SPAG16: variants seen among roughly 807,000 people sequenced by gnomAD.
SPAG16 encodes sperm associated antigen 16.
SPAG16 carries 86 observed loss-of-function variants against 80.4 expected under a neutral mutation model. That is an observed-to-expected ratio of 1.07 (90% CI 0.90 to 1.28). The LOEUF is 1.28. SPAG16 is among the 50% of genes most tolerant of loss of function. The probability of loss-of-function intolerance (pLI) is 0.00; values close to 1 mark genes in which losing one functional copy is unlikely to be tolerated. For synonymous variants in SPAG16, 294 were observed against 265.9 expected, an observed-to-expected ratio of 1.11 and a Z score of -1.03; for missense variants, 870 against 765.3, an observed-to-expected ratio of 1.14 and a Z score of -1.61.
chr2:214,074,586 A>G (rs932985733), intron 13 of SPAG16, among the ~76,000 whole-genome samples: 1 of 152,178 alleles, frequency 6.6e-6, no homozygotes, highest in Non-Finnish European at 1.5e-5. Flanking sequence ...AAATCAAGAA[A>G]TTCCATTCAT....
chr2:213,710,460 A>G (rs142663306), intron 10 of SPAG16, among the ~76,000 whole-genome samples: 1 of 152,344 alleles, frequency 6.6e-6, no homozygotes, highest in African/African-American at 2.4e-5. Flanking sequence ...TGTATTAAAT[A>G]GTAATGAAAC....
At chr2:214,214,135 A>G (rs878953931) in intron 15 of SPAG16, among the ~76,000 whole-genome samples, 2 of 151,134 alleles carry the variant, frequency 1.3e-5, no homozygotes, top group Non-Finnish European at 2.9e-5. Context: ...CATGTCATTC[A>G]TACATACTGT....
intron 10 of SPAG16, among the ~76,000 whole-genome samples, chr2:213,835,833 A>C (rs550539059): frequency 9.3e-4 from 142 of 152,286 alleles, no homozygotes; most frequent in Admixed American, 3.6e-3. Context: ...ACTTTATTTT[A>C]ATATCAAAAG....
chr2:214,216,419 T>C (rs900046556), intron 15 of SPAG16, among the ~76,000 whole-genome samples: 1 of 152,184 alleles, frequency 6.6e-6, no homozygotes, highest in Non-Finnish European at 1.5e-5. Flanking sequence ...CCTGCCAGGA[T>C]CCAGCGATTC....
chr2:213,663,938 A>G (rs1487648065), intron 10 of SPAG16, among the ~76,000 whole-genome samples: 1 of 152,134 alleles, frequency 6.6e-6, no homozygotes, highest in Admixed American at 6.5e-5. Context: ...AAATTAGTAT[A>G]AACTTAGTTT....
intron 9 of SPAG16, among the ~76,000 whole-genome samples, chr2:213,415,184 G>C (rs2069182643): frequency 6.6e-6 from 1 of 152,236 alleles, no homozygotes; most frequent in Non-Finnish European, 1.5e-5. Flanking sequence ...AGCTAGGTAA[G>C]AGAACAAGGA....
At chr2:214,001,074 A>G (rs569410314) in intron 12 of SPAG16, among the ~76,000 whole-genome samples, 1 of 152,352 alleles carries the variant, frequency 6.6e-6, no homozygotes, top group South Asian at 2.1e-4. Flanking sequence ...TGAATGTATC[A>G]TTGTGGCTAC....
At chr2:213,394,157 T>A (rs2067916230) in intron 9 of SPAG16, among the ~76,000 whole-genome samples, 1 of 152,116 alleles carries the variant, frequency 6.6e-6, no homozygotes, top group East Asian at 1.9e-4. Context: ...TATCTCAAGA[T>A]CAGAGTACTA....
chr2:214,149,207 C>A lies in SPAG16; in HGVS notation c.1661C>A (p.Pro554Gln), dbSNP rs777894699. The change falls in exon 15 of 16, where the codon CCA (proline) becomes CAA (glutamine). Residue 554 changes from proline (P) to glutamine (Q), a missense_variant. Transcript: ENST00000331683. ...TKLWDFRKLL[P>Q]IVSIDIGPSP... ...CTGTGGGACTTTCGGAAGCTGTTACCAATTGTGTCCATCGATATAGGTCCA... is the reference window on the plus strand; with the variant it reads ...CTGTGGGACTTTCGGAAGCTGTTACAAATTGTGTCCATCGATATAGGTCCA... 6.3e-7 allele frequency: 1 copy of A among 1,598,564 alleles called. No homozygotes were observed. Among genetic ancestry groups the A allele is most frequent in the Non-Finnish European group, 8.5e-7 (1 of 1,172,152 alleles).
At chr2:213,491,915 G>GA (rs777729344) in intron 10 of SPAG16, among the ~76,000 whole-genome samples, 3 of 152,124 alleles carry the variant, frequency 2.0e-5, no homozygotes, top group Non-Finnish European at 4.4e-5. Context: ...TTTATTAGTA[G>GA]AAAAATAAAT....
intron 13 of SPAG16, among the ~76,000 whole-genome samples, chr2:214,090,111 T>C (rs1011101165): frequency 1.5e-4 from 23 of 151,838 alleles, no homozygotes; most frequent in Non-Finnish European, 2.8e-4. Context: ...CTCATCTATA[T>C]ACAAATCAAT....
chr2:214,354,374 C>A (rs1055041486), intron 15 of SPAG16, among the ~76,000 whole-genome samples: 1 of 152,026 alleles, frequency 6.6e-6, no homozygotes, highest in African/African-American at 2.4e-5. Context: ...GTTTTGGTAC[C>A]AGTACCATGC....
At chr2:214,270,344 A>C (rs958776371) in intron 15 of SPAG16, among the ~76,000 whole-genome samples, 2 of 152,154 alleles carry the variant, frequency 1.3e-5, no homozygotes, top group Non-Finnish European at 2.9e-5. Context: ...AAAAAGTAAA[A>C]ATGAAGTCCT....
intron 13 of SPAG16, among the ~76,000 whole-genome samples, chr2:214,040,109 G>GTGA (rs2048928274): frequency 6.6e-6 from 1 of 152,182 alleles, no homozygotes; most frequent in African/African-American, 2.4e-5. Context: ...TTCTGCAATA[G>GTGA]TGATGTTATC....
chr2:213,534,690 A>G (rs377672953), intron 10 of SPAG16, among the ~76,000 whole-genome samples: 23 of 152,232 alleles, frequency 1.5e-4, no homozygotes, highest in Non-Finnish European at 3.4e-4. Context: ...TAAATGATTT[A>G]TAGTGTATGG....
chr2:213,944,215 C>T (rs867810136), intron 12 of SPAG16, among the ~76,000 whole-genome samples: 14 of 152,222 alleles, frequency 9.2e-5, no homozygotes, highest in Non-Finnish European at 1.9e-4. Flanking sequence ...GGAGTCATGA[C>T]CTCCACTTGG....
rs2074038930 is a variant in SPAG16, at chr2:213,487,554, T to C, written c.943-2409T>C. 4.6e-5 allele frequency among the ~76,000 whole-genome samples: 7 copies of C among 152,240 alleles called. No individual in the cohort carries two copies. The South Asian group carries it at 1.4e-3, about 32-fold the overall frequency. ...ATGTTTACCTCTGCAAGTGAATCTATGCTTAGATTGGATTGTTTTTACTAG... is the reference window on the plus strand; with the variant it reads ...ATGTTTACCTCTGCAAGTGAATCTACGCTTAGATTGGATTGTTTTTACTAG... On this transcript the variant is annotated intron_variant, in intron 9 of 15. Transcript: ENST00000331683.
chr2:213,284,685 G>T, intron 1 of SPAG16, 66 bp downstream of exon 1: 2 of 1,528,588 alleles, frequency 1.3e-6, no homozygotes, highest in Non-Finnish European at 8.8e-7. Flanking sequence ...CGAAGGCGAG[G>T]GCCTCCCACT....
At chr2:214,291,697 G>A (rs1033916615) in intron 15 of SPAG16, among the ~76,000 whole-genome samples, 1 of 152,152 alleles carries the variant, frequency 6.6e-6, no homozygotes, top group Non-Finnish European at 1.5e-5. Flanking sequence ...GATATGTAAG[G>A]TTTACTTCCT....
Sources: gnomAD v4.1 joint callset for allele counts (sites outside exome capture counted in the v4.1 genomes callset) on GRCh38, gnomAD v4.1.1 for gene constraint, MANE v1.5 for transcripts, NCBI Gene and HGNC (gene_info 2026-07-23, HGNC 2026-07-21) for gene names.